AGMO: variants seen among roughly 807,000 people sequenced by gnomAD.
AGMO encodes the protein alkylglycerol monooxygenase.
In AGMO, 75 loss-of-function variants were observed where a neutral mutation model predicts 60.2. That is an observed-to-expected ratio of 1.25 (90% CI 1.03 to 1.51). The LOEUF (loss-of-function observed/expected upper bound fraction) is 1.51. Among genes scored for constraint, AGMO ranks in the 40% most tolerant of loss-of-function variants. The pLI, the probability that AGMO is intolerant of heterozygous loss-of-function variation, is 0.00. For missense variants in AGMO, 763 were observed against 525.5 expected (o/e 1.45, Z -4.42); for synonymous variants, 261 against 177.1 (o/e 1.47, Z -3.76).
intron 3 of AGMO, among the ~76,000 whole-genome samples, chr7:15,543,655 C>T (rs554135634): frequency 3.3e-5 from 5 of 151,998 alleles, no homozygotes; most frequent in African/African-American, 7.2e-5. Flanking sequence ...ATATTGTGTA[C>T]GTTTTTAGAC....
chr7:15,245,088 G>A (rs1583323027), intron 12 of AGMO, among the ~76,000 whole-genome samples: 1 of 152,120 alleles, frequency 6.6e-6, no homozygotes, highest in East Asian at 1.9e-4. Flanking sequence ...TTAGCCTGTG[G>A]ACTATCAGGA....
chr7:15,265,709 C>CA (rs1783412515), intron 12 of AGMO, among the ~76,000 whole-genome samples: 1 of 152,034 alleles, frequency 6.6e-6, no homozygotes, highest in African/African-American at 2.4e-5. Context: ...GTGTAAAAGG[C>CA]AACAGTCACT....
intron 12 of AGMO, among the ~76,000 whole-genome samples, chr7:15,214,523 C>G (rs1399168445): frequency 1.3e-5 from 2 of 151,880 alleles, no homozygotes; most frequent in Non-Finnish European, 2.9e-5. Context: ...ATTTGAGAAC[C>G]ATTGTGCAAG....
At chr7:15,532,243 G>C (rs1486125836) in intron 3 of AGMO, among the ~76,000 whole-genome samples, 2 of 152,132 alleles carry the variant, frequency 1.3e-5, no homozygotes, top group African/African-American at 4.8e-5. Context: ...ATCTAAAATA[G>C]ATAGGATTGG....
At chr7:15,507,867 T>G (rs1170603382) in intron 3 of AGMO, among the ~76,000 whole-genome samples, 1 of 152,092 alleles carries the variant, frequency 6.6e-6, no homozygotes, top group Non-Finnish European at 1.5e-5. Context: ...GTCTGAGGTT[T>G]GCTTCACACT....
chr7:15,187,899 T>C, the AGMO span, among the ~76,000 whole-genome samples: 8 of 151,068 alleles, frequency 5.3e-5, no homozygotes, highest in African/African-American at 9.7e-5. Context: ...AAGGATTAAC[T>C]CCCCCCCGAC....
the AGMO span, among the ~76,000 whole-genome samples, chr7:15,181,786 C>G: frequency 1.3e-5 from 2 of 152,098 alleles, no homozygotes; most frequent in Non-Finnish European, 2.9e-5. Flanking sequence ...AGAAAGCAAA[C>G]AAGAAATACT....
chr7:15,357,444 C>T (rs547172159), intron 12 of AGMO, among the ~76,000 whole-genome samples: 14 of 151,984 alleles, frequency 9.2e-5, no homozygotes, highest in East Asian at 1.9e-4. Context: ...GCGTGGTAGA[C>T]GGATAAAAGG....
chr7:15,183,539 A>T, the AGMO span, among the ~76,000 whole-genome samples: 1 of 152,204 alleles, frequency 6.6e-6, no homozygotes, highest in African/African-American at 2.4e-5. Flanking sequence ...CTTGGCTTTC[A>T]GTTCAGTAAT....
At chr7:15,373,362 G>A (rs977378381) in intron 10 of AGMO, among the ~76,000 whole-genome samples, 2 of 151,908 alleles carry the variant, frequency 1.3e-5, no homozygotes, top group African/African-American at 4.8e-5. Flanking sequence ...CCCCAATTAC[G>A]CCTGCAGAAC....
rs533486412 is a variant in AGMO, at chr7:15,310,368, T to A, written c.1263+55146A>T. Among the ~76,000 whole-genome samples the A allele has an allele frequency of 3.9e-5, 6 of 152,188 alleles. No homozygotes were observed. The East Asian group carries it at 7.7e-4, about 20-fold the overall frequency. ...GAGTAAGGGGCCCCTGCAAAAAAAA[T>A]TCAGTTTCTATCCTTTGCCAGAAAT... On this transcript the variant is annotated intron_variant, in intron 12 of 12. Transcript: ENST00000342526.
At chr7:15,220,152 T>G (rs1425255927) in intron 12 of AGMO, among the ~76,000 whole-genome samples, 1 of 151,978 alleles carries the variant, frequency 6.6e-6, no homozygotes, top group Non-Finnish European at 1.5e-5. Context: ...TTTATTGCAT[T>G]ACATACTGAC....
At chr7:15,184,345 A>G in the AGMO span, among the ~76,000 whole-genome samples, 116 of 56,492 alleles carry the variant, frequency 2.1e-3, 2 homozygotes, top group African/African-American at 9.2e-3. Context: ...AAGGAAGGAA[A>G]GAAGGGAGGG....
At chr7:15,432,531 A>G (rs1198719304) in intron 3 of AGMO, among the ~76,000 whole-genome samples, 1 of 151,526 alleles carries the variant, frequency 6.6e-6, no homozygotes, top group Non-Finnish European at 1.5e-5. Context: ...ATTCTGTATA[A>G]TAAGGAATAT....
At chr7:15,489,724 A>G (rs1173002498) in intron 3 of AGMO, among the ~76,000 whole-genome samples, 1 of 152,204 alleles carries the variant, frequency 6.6e-6, no homozygotes, top group Non-Finnish European at 1.5e-5. Context: ...TACCAGGCAC[A>G]GTAGCACAGA....
chr7:15,485,272 ATGCCAT>A (rs1386527393), intron 3 of AGMO, among the ~76,000 whole-genome samples: 10 of 152,154 alleles, frequency 6.6e-5, no homozygotes, highest in African/African-American at 1.7e-4. Flanking sequence ...AGCCGAGATC[ATGCCAT>A]TGCACTCCAG....
At chr7:15,398,183 G>C (rs1378398858) in intron 5 of AGMO, among the ~76,000 whole-genome samples, 1 of 152,142 alleles carries the variant, frequency 6.6e-6, no homozygotes, top group Admixed American at 6.5e-5. Context: ...ATGAATTTCT[G>C]ATCCTAGGCC....
chr7:15,442,264 G>C (rs981175236), intron 3 of AGMO, among the ~76,000 whole-genome samples: 1 of 152,148 alleles, frequency 6.6e-6, no homozygotes, highest in African/African-American at 2.4e-5. Context: ...ACCAATTATA[G>C]ATGTTGTTAT....
At chr7:15,225,676 G>A (rs1336578286) in intron 12 of AGMO, among the ~76,000 whole-genome samples, 1 of 151,794 alleles carries the variant, frequency 6.6e-6, no homozygotes, top group Non-Finnish European at 1.5e-5. Context: ...CTTCTATTAT[G>A]ATTGTTACTC....
Sources: gnomAD v4.1 joint callset for allele counts (sites outside exome capture counted in the v4.1 genomes callset) on GRCh38, gnomAD v4.1.1 for gene constraint, MANE v1.5 for transcripts, NCBI Gene and HGNC (gene_info 2026-07-23, HGNC 2026-07-21) for gene names.